PDE4D: variants seen among roughly 807,000 people sequenced by gnomAD.
The protein encoded by PDE4D is phosphodiesterase 4D, also known as 3',5'-cyclic-AMP phosphodiesterase 4D.
In PDE4D, 24 loss-of-function variants were observed where a neutral mutation model predicts 87.4. The ratio of observed to expected loss-of-function variants is 0.27; its 90% CI spans 0.20 to 0.39. The LOEUF is 0.39. PDE4D is among the 10% of genes least tolerant of loss of function. PDE4D has a pLI of 1.00. For synonymous variants in PDE4D, 384 were observed against 383.2 expected, an observed-to-expected ratio of 1.00 and a Z score of -0.02; for missense variants, 714 against 1,041.0, an observed-to-expected ratio of 0.69 and a Z score of 4.32.
intron 2 of PDE4D, among the ~76,000 whole-genome samples, chr5:60,042,515 C>T (rs1768642994): frequency 6.6e-6 from 1 of 152,198 alleles, no homozygotes; most frequent in Non-Finnish European, 1.5e-5. Flanking sequence ...TACTTCCCAG[C>T]AGGGGTCGAC....
intron 1 of PDE4D, among the ~76,000 whole-genome samples, chr5:59,432,214 G>T (rs547521052): frequency 2.0e-5 from 3 of 152,006 alleles, no homozygotes; most frequent in East Asian, 3.9e-4. Flanking sequence ...CATGTATAGG[G>T]ATTCTCCTTC....
intron 11 of PDE4D, among the ~76,000 whole-genome samples, chr5:58,985,561 GTAGCTTCCT>G (rs941489981): frequency 6.6e-6 from 1 of 152,142 alleles, no homozygotes; most frequent in Non-Finnish European, 1.5e-5. Flanking sequence ...CAGTGCTTCC[GTAGCTTCCT>G]TAAAGTAAGA....
intron 1 of PDE4D, among the ~76,000 whole-genome samples, chr5:59,680,803 C>T (rs1261057980): frequency 6.6e-6 from 1 of 151,824 alleles, no homozygotes; most frequent in Non-Finnish European, 1.5e-5. Flanking sequence ...ATAATGGGAG[C>T]CAGGCTTCTC....
chr5:59,186,012 C>T (rs13177192), intron 3 of PDE4D, among the ~76,000 whole-genome samples: 9 of 152,048 alleles, frequency 5.9e-5, no homozygotes, highest in Admixed American at 5.9e-4. Flanking sequence ...AAGTAGCCAA[C>T]GGACTGGAAG....
intron 1 of PDE4D, among the ~76,000 whole-genome samples, chr5:59,886,476 C>T (rs1750175110): frequency 6.6e-6 from 1 of 151,736 alleles, no homozygotes; most frequent in Non-Finnish European, 1.5e-5. Context: ...GAGATCGCGC[C>T]ATTCCACTCC....
intron 1 of PDE4D, among the ~76,000 whole-genome samples, chr5:59,541,839 A>G (rs1201181363): frequency 6.6e-6 from 1 of 152,120 alleles, no homozygotes; most frequent in Non-Finnish European, 1.5e-5. Flanking sequence ...GACCCATTAT[A>G]AGGATTTTAA....
chr5:59,581,892 CT>C (rs1411158774), intron 1 of PDE4D, among the ~76,000 whole-genome samples: 1 of 152,098 alleles, frequency 6.6e-6, no homozygotes, highest in Admixed American at 6.6e-5. Context: ...AAAATCTTTG[CT>C]ACACTATATC....
intron 1 of PDE4D, among the ~76,000 whole-genome samples, chr5:59,342,953 C>T (rs1281522008): frequency 2.7e-5 from 4 of 149,132 alleles, no homozygotes; most frequent in Non-Finnish European, 5.9e-5. Context: ...TTAAAATCTA[C>T]TCTCTTAGAA....
chr5:60,040,861 T>C (rs1768396869), intron 2 of PDE4D, among the ~76,000 whole-genome samples: 1 of 152,196 alleles, frequency 6.6e-6, no homozygotes, highest in African/African-American at 2.4e-5. Context: ...TTTTAAACAA[T>C]GGTTTCTTCT....
At chr5:59,371,192 AG>A (rs1783873318) in intron 1 of PDE4D, among the ~76,000 whole-genome samples, 1 of 152,234 alleles carries the variant, frequency 6.6e-6, no homozygotes, top group Non-Finnish European at 1.5e-5. Context: ...AGTTAGGAAA[AG>A]AAAGGAAAGA....
chr5:59,334,421 G>C (rs1777308909), intron 1 of PDE4D, among the ~76,000 whole-genome samples: 1 of 151,730 alleles, frequency 6.6e-6, no homozygotes, highest in Non-Finnish European at 1.5e-5. Context: ...ATTATGCCTG[G>C]CTAATTTTTG....
chr5:59,938,485 T>A (rs981760), intron 3 of PDE4D, among the ~76,000 whole-genome samples: 68,053 of 152,000 alleles, frequency 0.45, 15,654 homozygotes, highest in East Asian at 0.77. Flanking sequence ...CAAGATGACC[T>A]ATATGTCTAA....
chr5:60,484,070 T>A (rs1207451366), intron 1 of PDE4D, among the ~76,000 whole-genome samples: 1 of 152,094 alleles, frequency 6.6e-6, no homozygotes, highest in Non-Finnish European at 1.5e-5. Flanking sequence ...ATTCAGAAGG[T>A]CATTTTGACC....
chr5:59,311,499 C>CAAAAAAAA (rs35020719), intron 1 of PDE4D, among the ~76,000 whole-genome samples: 9 of 43,350 alleles, frequency 2.1e-4, no homozygotes, highest in African/African-American at 3.8e-4. Flanking sequence ...GACTCTGTCT[C>CAAAAAAAA]AAAAAAAAAA....
At chr5:59,024,923 A>T (rs1425463975) in intron 6 of PDE4D, among the ~76,000 whole-genome samples, 3 of 152,126 alleles carry the variant, frequency 2.0e-5, no homozygotes, top group Non-Finnish European at 2.9e-5. Context: ...ATATTTTTTT[A>T]AAAAAGATAC....
At position 59,207,355 on chromosome 5, in the gene PDE4D, A is replaced by C. The variant is rs909008098; in HGVS notation, c.647+8422T>G. The stretch of plus-strand genomic sequence containing the variant: ...AATATCCACAACTGGGTGAACCAAT[A>C]TCTCTCCTGTAATGGCCATTTGCCT... On this transcript the variant is annotated intron_variant, in intron 2 of 14. Transcript: ENST00000340635. Among the ~76,000 whole-genome samples, 11 of 152,108 alleles carry C rather than the reference A, an allele frequency of 7.2e-5. No homozygotes were observed. In the South Asian group the frequency reaches 1.0e-3, roughly 14 times the overall value.
chr5:59,418,842 G>T (rs1323296337), intron 1 of PDE4D, among the ~76,000 whole-genome samples: 1 of 152,012 alleles, frequency 6.6e-6, no homozygotes, highest in Non-Finnish European at 1.5e-5. Flanking sequence ...TTTAGTAGAG[G>T]TTTTACCACG....
chr5:59,031,773 T>G (rs1315029672), intron 6 of PDE4D, among the ~76,000 whole-genome samples: 1 of 148,396 alleles, frequency 6.7e-6, no homozygotes, highest in Non-Finnish European at 1.5e-5. Flanking sequence ...ATTCTGTCAT[T>G]CACAACATCA....
chr5:59,689,773 G>A (rs1489722384), intron 1 of PDE4D, among the ~76,000 whole-genome samples: 1 of 152,198 alleles, frequency 6.6e-6, no homozygotes, highest in African/African-American at 2.4e-5. Context: ...AAAAGAGGAA[G>A]TCAAATTCTC....
Sources: gnomAD v4.1 joint callset for allele counts (sites outside exome capture counted in the v4.1 genomes callset) on GRCh38, gnomAD v4.1.1 for gene constraint, MANE v1.5 for transcripts, NCBI Gene and HGNC (gene_info 2026-07-23, HGNC 2026-07-21) for gene names.